SLC5A10: variants seen among roughly 807,000 people sequenced by gnomAD.
SLC5A10 encodes the protein solute carrier family 5 member 10.
SLC5A10 carries 55 observed loss-of-function variants against 68.9 expected under a neutral mutation model. The observed-to-expected ratio is 0.80, with a 90% CI of 0.64 to 1.00. The LOEUF (loss-of-function observed/expected upper bound fraction) is 1.00. Ranked by LOEUF, SLC5A10 falls within the 50% of genes least tolerant of loss-of-function variation. The pLI, the probability that SLC5A10 is intolerant of heterozygous loss-of-function variation, is 0.00. For missense variants in SLC5A10, 732 were observed against 819.3 expected, an observed-to-expected ratio of 0.89 and a Z score of 1.30; for synonymous variants, 344 against 344.8, an observed-to-expected ratio of 1.00 and a Z score of 0.02.
intron 9 of SLC5A10, among the ~76,000 whole-genome samples, chr17:18,984,752 C>A (rs1452201009): frequency 6.6e-6 from 1 of 152,228 alleles, no homozygotes; most frequent in Non-Finnish European, 1.5e-5. Flanking sequence ...AGTATCACCC[C>A]CAAAAGCAGC....
rs1207718900 is a variant in SLC5A10, at chr17:18,977,693, G to T, written c.982+704G>T. 1 of 1,610,504 alleles carries T rather than the reference G, an allele frequency of 6.2e-7. No homozygotes were observed. Among genetic ancestry groups the T allele is most frequent in the Admixed American group, 1.7e-5 (1 of 59,886 alleles). On this transcript the variant is annotated intron_variant, in intron 9 of 14. Coordinates refer to ENST00000395645, the MANE Select transcript of SLC5A10 (RefSeq NM_001042450.4). ...GGAGCCACCCTGGGGTCCAACAAAG[G>T]TCCCTCGGGTTATATGGGGGGCACT... is the stretch of plus-strand genomic sequence containing the variant.
chr17:18,973,455 C>G (rs1168010373), intron 8 of SLC5A10, among the ~76,000 whole-genome samples: 1 of 152,224 alleles, frequency 6.6e-6, no homozygotes, highest in African/African-American at 2.4e-5. Flanking sequence ...GGCCTCTGCC[C>G]TACCTCCCCA....
At position 19,003,178 on chromosome 17, in the gene SLC5A10, G is replaced by A. The variant is rs1229040161; in HGVS notation, c.983-10232G>A. ...TTACAGTGAATCAGAGCCACTCTAA[G>A]GGAGAGTGAGAGGAAGCCCTGGGGT... On this transcript the variant is annotated intron_variant, in intron 9 of 14. Coordinates refer to ENST00000395645, the MANE Select transcript of SLC5A10 (RefSeq NM_001042450.4). This position sits in a 1 kb window ranked among gnomAD's most constrained non-coding sequence, Gnocchi z 4.5. 2.7e-5 allele frequency among the ~76,000 whole-genome samples: 4 copies of A among 150,732 alleles called. No homozygotes were observed. The highest frequency in any genetic ancestry group is 5.9e-5 in the Non-Finnish European group (4 of 67,714).
Position 18,996,582 on chromosome 17 carries a change from G to C in SLC5A10, c.983-16828G>C, listed in dbSNP as rs908465199. ...GTCTCATCTTGCCTCCCAGGGTAAA[G>C]GGAGTCTGTGTACTTGGTAACAAAT... On this transcript the variant is annotated intron_variant, in intron 9 of 14. Transcript: ENST00000395645. The surrounding 1 kb of genome is among the most constrained non-coding windows in gnomAD (Gnocchi z 4.4). Among the ~76,000 whole-genome samples the C allele has an allele frequency of 1.3e-5, 2 of 152,062 alleles. No homozygotes were observed. Among genetic ancestry groups the C allele is most frequent in the African/African-American group, 2.4e-5 (1 of 41,392 alleles).
In SLC5A10 at chr17:18,982,398, C is replaced by T. The variant is rs558366280; in HGVS notation, c.982+5409C>T. On this transcript the variant is annotated intron_variant, in intron 9 of 14. Transcript: ENST00000395645. ...CGTCTCAAGACTCTGGGCTCGTGTG[C>T]GCAGAGGTGGAGGATCCCACAAAGC... 8.5e-4 allele frequency among the ~76,000 whole-genome samples: 129 copies of T among 152,322 alleles called. 1 individual carries two copies. Among genetic ancestry groups the T allele is most frequent in the African/African-American group, 3.0e-3 (123 of 41,578 alleles).
Position 19,020,790 on chromosome 17 carries a change from A to G in SLC5A10, c.*359A>G, listed in dbSNP as rs1001952847. On this transcript the variant is annotated 3_prime_UTR_variant, in exon 15 of 15. Coordinates refer to ENST00000395645, the MANE Select transcript of SLC5A10 (RefSeq NM_001042450.4). ...TCTAAGGGTCTTGGGCCAGCTCTGG[A>G]TGGAGGAAGAGCCCCACATGCCCAG... 1.6e-5 allele frequency: 4 copies of G among 255,604 alleles called. No homozygotes were observed. Among genetic ancestry groups the G allele is most frequent in the Admixed American group, 4.8e-5 (1 of 20,622 alleles). The allele number at this position is 255,604 out of a possible 1,614,324, so 15.8% of individuals were successfully genotyped here. A position where few individuals can be genotyped will look rare whatever the true frequency, so the allele number is the denominator to read the frequency against.
intron 9 of SLC5A10, chr17:18,978,390 G>A: frequency 6.3e-7 from 1 of 1,590,746 alleles, no homozygotes; most frequent in Non-Finnish European, 8.6e-7. Context: ...ATGTAGCCCA[G>A]GATGTCGCTG....
Position 19,015,078 on chromosome 17 carries a change from C to A in SLC5A10, c.1120C>A (p.Leu374Met), listed in dbSNP as rs1382603204. 2 of 1,613,934 alleles carry A rather than the reference C, an allele frequency of 1.2e-6. No individual in the cohort carries two copies. Among genetic ancestry groups the A allele is most frequent in the Non-Finnish European group, 1.7e-6 (2 of 1,179,858 alleles). The change falls in exon 11 of 15, where the codon CTG becomes ATG. Residue 374 changes from leucine (L) to methionine (M), a missense_variant. Transcript: ENST00000395645. ...GLRGLMIAVM[L>M]AALMSSLTSI... ...GCGGGGGCTGATGATCGCAGTGATG[C>A]TGGCGGCGCTCATGTCGTCGCTGAC...
intron 3 of SLC5A10, 114 bp from the exon 4 acceptor site, chr17:18,959,490 G>A: frequency 1.7e-6 from 2 of 1,196,750 alleles, no homozygotes; most frequent in Non-Finnish European, 1.2e-6. Context: ...CAAGTCAGGA[G>A]GGGCTGGGGG....
At chr17:18,992,742 A>G (rs2043460464) in intron 9 of SLC5A10, among the ~76,000 whole-genome samples, 1 of 152,178 alleles carries the variant, frequency 6.6e-6, no homozygotes, top group Non-Finnish European at 1.5e-5. Context: ...CAAGATGTCC[A>G]AGGCCCTTCG....
intron 9 of SLC5A10, among the ~76,000 whole-genome samples, chr17:18,995,573 T>G (rs2043546189): frequency 1.3e-5 from 2 of 151,790 alleles, no homozygotes; most frequent in Admixed American, 6.6e-5. Context: ...AATAAATAAA[T>G]AAGAAAAAAA....
At chr17:18,970,763 G>C (rs1261131521) in intron 7 of SLC5A10, 3 of 521,718 alleles carry the variant, frequency 5.8e-6, no homozygotes, top group Non-Finnish European at 1.0e-5. Context: ...GGGACACTGG[G>C]GTGCCCATGT....
intron 9 of SLC5A10, chr17:18,978,398 C>T (rs2043040416): frequency 2.5e-6 from 4 of 1,590,518 alleles, no homozygotes; most frequent in Non-Finnish European, 3.4e-6. Flanking sequence ...CAGGATGTCG[C>T]TGCCAGGCTC....
At chr17:18,953,019 C>T (rs2042404231) in intron 1 of SLC5A10, among the ~76,000 whole-genome samples, 2 of 152,252 alleles carry the variant, frequency 1.3e-5, no homozygotes, top group South Asian at 4.1e-4. Context: ...AGGTCACCTG[C>T]TCCACGCTTA....
chr17:18,961,310 C>A (rs556979566), intron 5 of SLC5A10, among the ~76,000 whole-genome samples: 296 of 152,342 alleles, frequency 1.9e-3, no homozygotes, highest in African/African-American at 6.8e-3. Flanking sequence ...TCCCTGGGGG[C>A]AGCTAGCTTC....
At chr17:18,952,371 G>C in intron 1 of SLC5A10, 55 bp downstream of exon 1, 2 of 1,562,324 alleles carry the variant, frequency 1.3e-6, no homozygotes, top group Non-Finnish European at 1.7e-6. Context: ...TGGTGCTTGG[G>C]GTGGGAACCG....
chr17:18,953,643 T>A (rs1378484492), intron 1 of SLC5A10: 1 of 152,504 alleles, frequency 6.6e-6, no homozygotes, highest in African/African-American at 2.4e-5. Flanking sequence ...GCAGTGGTGG[T>A]GGTGGTGGCA....
At chr17:18,995,667 G>A (rs190345382) in intron 9 of SLC5A10, among the ~76,000 whole-genome samples, 1 of 152,188 alleles carries the variant, frequency 6.6e-6, no homozygotes, top group African/African-American at 2.4e-5. Context: ...CAGCACTTTG[G>A]GAGGCAGAGG....
chr17:18,978,769 C>T (rs752072561), intron 9 of SLC5A10: 2 of 1,613,028 alleles, frequency 1.2e-6, no homozygotes, highest in Non-Finnish European at 1.7e-6. Context: ...GCTCCTGGAA[C>T]TGCCGGTCAA....
Sources: gnomAD v4.1 joint callset for allele counts (sites outside exome capture counted in the v4.1 genomes callset) on GRCh38, gnomAD v4.1.1 for gene constraint, Gnocchi (gnomAD v3.1) non-coding constraint, MANE v1.5 for transcripts, NCBI Gene and HGNC (gene_info 2026-07-23, HGNC 2026-07-21) for gene names.